The following SNX29 variants were observed in gnomAD, a reference collection of about 807,000 sequenced individuals.
SNX29 encodes the protein sorting nexin-29.
In SNX29, 78 loss-of-function variants were observed where a neutral mutation model predicts 102.1. The ratio of observed to expected loss-of-function variants is 0.76; its 90% confidence interval spans 0.64 to 0.92. The LOEUF is 0.92. Ranked by LOEUF, SNX29 falls within the 40% of genes least tolerant of loss-of-function variation. The pLI, the probability that SNX29 is intolerant of heterozygous loss-of-function variation, is 0.00. For synonymous variants in SNX29, 580 were observed against 414.5 expected, an observed-to-expected ratio of 1.40 and a Z score of -4.85; for missense variants, 1,280 against 1,061.7, an observed-to-expected ratio of 1.21 and a Z score of -2.86.
At chr16:12,044,747 T>G (rs2050020687) in intron 5 of SNX29, among the ~76,000 whole-genome samples, 1 of 152,058 alleles carries the variant, frequency 6.6e-6, no homozygotes, top group Non-Finnish European at 1.5e-5. Flanking sequence ...CCTGGTTAAT[T>G]TTTTGTATTT....
intron 15 of SNX29, among the ~76,000 whole-genome samples, chr16:12,332,310 A>C (rs960387173): frequency 6.6e-6 from 1 of 152,038 alleles, no homozygotes; most frequent in Non-Finnish European, 1.5e-5. Context: ...CTCGTTGCCA[A>C]ATGGTTGCAT....
intron 20 of SNX29, among the ~76,000 whole-genome samples, chr16:12,564,541 G>A (rs9938602): frequency 0.58 from 88,786 of 152,012 alleles, 26,376 homozygotes; most frequent in Middle Eastern, 0.72. Flanking sequence ...ATGGAGTTAA[G>A]GCCTTTGGCA....
At chr16:12,321,256 C>T (rs1481136805) in intron 15 of SNX29, among the ~76,000 whole-genome samples, 1 of 152,196 alleles carries the variant, frequency 6.6e-6, no homozygotes, top group Non-Finnish European at 1.5e-5. Flanking sequence ...ACCAAAGCCA[C>T]CTTGTCTTCT....
intron 16 of SNX29, among the ~76,000 whole-genome samples, chr16:12,363,651 G>C (rs759469799): frequency 4.6e-5 from 7 of 152,208 alleles, no homozygotes; most frequent in Non-Finnish European, 8.8e-5. Context: ...TTTGCTACAT[G>C]ATGACTTCAT....
chr16:12,011,189 GTTTTTTTTTT>G (rs369528003), intron 3 of SNX29, among the ~76,000 whole-genome samples: 27 of 124,050 alleles, frequency 2.2e-4, no homozygotes, highest in Admixed American at 1.8e-3. Context: ...ATTGCTTGGG[GTTTTTTTTTT>G]TTTTTTTTTG....
intron 20 of SNX29, among the ~76,000 whole-genome samples, chr16:12,553,963 G>A (rs1050070208): frequency 3.9e-5 from 6 of 152,110 alleles, no homozygotes; most frequent in African/African-American, 1.4e-4. Context: ...AAGTAGCTGG[G>A]ACTACAGGCA....
rs981424104 is a variant in SNX29 at position 12,048,374 on chromosome 16, C to G, written c.502C>G (p.Leu168Val). 11 of 1,613,680 alleles carry G rather than the reference C, an allele frequency of 6.8e-6. No individual in the cohort carries two copies. The African/African-American group carries it at 8.0e-5, about 12-fold the overall frequency. ...SSMLPTMAAG[L>V]NSILFAINID... ...GACTTTTCCCTTTTTTTGGGCAGGT[C>G]TGAACTCCATACTCTTTGCGATTAA... The change falls in exon 7 of 21, where the codon CTG becomes GTG. Residue 168 changes from leucine to valine, a missense_variant and splice_region_variant. Leu to Val is a conservative substitution (Grantham distance 32). Coordinates refer to ENST00000566228, the MANE Select transcript of SNX29 (RefSeq NM_032167.5).
At chr16:12,133,281 G>GTTT (rs57733463) in intron 13 of SNX29, among the ~76,000 whole-genome samples, 1,589 of 66,896 alleles carry the variant, frequency 0.024, 228 homozygotes, top group African/African-American at 0.071. Flanking sequence ...CTTAGTGTGG[G>GTTT]TTTTTTTTTT....
chr16:12,126,744 T>G, intron 12 of SNX29, 48 bp downstream of exon 12: 1 of 1,602,892 alleles, frequency 6.2e-7, no homozygotes, highest in Non-Finnish European at 8.5e-7. Flanking sequence ...TTTGACATTC[T>G]GCCTCTGGGG....
chr16:12,164,642 T>C (rs1226247000), intron 13 of SNX29, among the ~76,000 whole-genome samples: 1 of 151,890 alleles, frequency 6.6e-6, no homozygotes, highest in African/African-American at 2.4e-5. Flanking sequence ...TTTTCTTACT[T>C]TGGGCAGCAG....
intron 16 of SNX29, among the ~76,000 whole-genome samples, chr16:12,395,909 G>A (rs967633620): frequency 3.9e-5 from 6 of 152,186 alleles, no homozygotes; most frequent in Admixed American, 1.3e-4. Context: ...GAGTAAGCTC[G>A]GCCTTTAATT....
chr16:12,547,299 G>A (rs1241789130), intron 20 of SNX29, among the ~76,000 whole-genome samples: 1 of 152,182 alleles, frequency 6.6e-6, no homozygotes, highest in African/African-American at 2.4e-5. Context: ...AAACAGCAAG[G>A]AAGCCAGGGT....
intron 11 of SNX29, among the ~76,000 whole-genome samples, chr16:12,115,153 C>G (rs2053644765): frequency 6.6e-6 from 1 of 152,168 alleles, no homozygotes; most frequent in South Asian, 2.1e-4. Context: ...CTGGCAGAAG[C>G]TGAAGTCCGT....
chr16:12,145,428 T>G (rs1002714131), intron 13 of SNX29, among the ~76,000 whole-genome samples: 1 of 152,048 alleles, frequency 6.6e-6, no homozygotes, highest in African/African-American at 2.4e-5. Flanking sequence ...AAATACAAGA[T>G]TTTTTTTCCC....
At chr16:12,246,609 C>A (rs182671056) in intron 14 of SNX29, among the ~76,000 whole-genome samples, 1 of 152,278 alleles carries the variant, frequency 6.6e-6, no homozygotes, top group East Asian at 1.9e-4. Flanking sequence ...CACTGGGTGA[C>A]AGAGCGAGAC....
At chr16:12,307,659 C>G (rs2080382194) in intron 15 of SNX29, among the ~76,000 whole-genome samples, 1 of 152,170 alleles carries the variant, frequency 6.6e-6, no homozygotes, top group African/African-American at 2.4e-5. Flanking sequence ...CATGAATGGT[C>G]TTGGATTTGC....
intron 18 of SNX29, among the ~76,000 whole-genome samples, chr16:12,420,655 C>G (rs1043959797): frequency 2.6e-5 from 4 of 152,116 alleles, no homozygotes; most frequent in African/African-American, 9.7e-5. Context: ...TAGCACTGAC[C>G]TCACAGAGTT....
intron 19 of SNX29, among the ~76,000 whole-genome samples, chr16:12,510,363 A>G (rs2089559962): frequency 6.6e-6 from 1 of 152,276 alleles, no homozygotes; most frequent in Non-Finnish European, 1.5e-5. Flanking sequence ...GGACATCTCA[A>G]CAGATGAGGC....
intron 17 of SNX29, among the ~76,000 whole-genome samples, chr16:12,401,706 T>G (rs1270501749): frequency 6.6e-6 from 1 of 152,172 alleles, no homozygotes; most frequent in Non-Finnish European, 1.5e-5. Context: ...CTCTCCCATG[T>G]TAAAACTGAA....
Sources: gnomAD v4.1 joint callset for allele counts (sites outside exome capture counted in the v4.1 genomes callset) on GRCh38, gnomAD v4.1.1 for gene constraint, MANE v1.5 for transcripts, NCBI Gene and HGNC (gene_info 2026-07-23, HGNC 2026-07-21) for gene names.